SIGLEC1: variants seen among roughly 807,000 people sequenced by gnomAD.
SIGLEC1 encodes the protein sialoadhesin.
A neutral mutation model predicts 148.0 loss-of-function variants in SIGLEC1; 132 were observed. The observed-to-expected ratio is 0.89, with a 90% CI of 0.77 to 1.03. The LOEUF is 1.03. Ranked by LOEUF, SIGLEC1 falls within the 50% of genes least tolerant of loss-of-function variation. The pLI is 0.00. For missense variants in SIGLEC1, 2,253 were observed against 2,271.4 expected (o/e 0.99, Z 0.16); for synonymous variants, 945 against 969.0 (o/e 0.98, Z 0.46).
chr20:3,697,959 C>T lies in SIGLEC1; in HGVS notation c.1961G>A (p.Ser654Asn), dbSNP rs1212311078. ...GCGTGGGGAACAGCCCCCACAGGTGCTGCAGCCACCCCCTGATGGCAGGGA... is the reference window on the plus strand; with the variant it reads ...GCGTGGGGAACAGCCCCCACAGGTGTTGCAGCCACCCCCTGATGGCAGGGA... ...ATSLPSGGGC[S>N]TCGGCSPRMK... is the part of the protein sequence containing the mutation. Residue 654 changes from serine (S) to asparagine (N), a missense_variant, in exon 9 of 22, where the codon AGC (serine) becomes AAC (asparagine). Transcript: ENST00000344754. 1 of 1,612,170 alleles carries T rather than the reference C, an allele frequency of 6.2e-7. No homozygotes were observed. The highest frequency in any genetic ancestry group is 1.7e-5 in the Admixed American group (1 of 59,902).
Position 3,697,806 on chromosome 20 carries a change from T to C in SIGLEC1, c.2114A>G (p.Asn705Ser). 1.9e-6 allele frequency: 3 copies of C among 1,612,670 alleles called. No homozygotes were observed. The highest frequency in any genetic ancestry group is 1.3e-5 in the African/African-American group (1 of 75,030). Residue 705 changes from asparagine (N) to serine (S), a missense_variant, in exon 9 of 22, where the codon AAT becomes AGT. Coordinates refer to ENST00000344754, the MANE Select transcript of SIGLEC1 (RefSeq NM_023068.4). ...LGNASTSATF[N>S]GQATVLAIAP... ...TTCCCTGCCTGACTCACCCTGGCCA[T>C]TGAAGGTGGCTGAGGTGGAGGCGTT...
At chr20:3,698,315 T>C (rs1374008644) in intron 8 of SIGLEC1, among the ~76,000 whole-genome samples, 182 bp from the exon 9 acceptor site, 1 of 152,246 alleles carries the variant, frequency 6.6e-6, no homozygotes, top group African/African-American at 2.4e-5. Flanking sequence ...GCTAGGCTCA[T>C]GCTCCTCAAG....
rs776415065 is a variant in SIGLEC1, at chr20:3,697,324, G to T, written c.2141C>A (p.Ala714Glu). Residue 714 changes from alanine (A) to glutamate (E), a missense_variant, in exon 10 of 22, where the codon GCA (alanine) becomes GAA (glutamate). Coordinates refer to ENST00000344754, the MANE Select transcript of SIGLEC1 (RefSeq NM_023068.4). ...GCCCTCCTGAAGTGTGTGTGATGGT[G>T]CAATGGCCAGGACAGTGGCTGGAGA... ...FNGQATVLAI[A>E]PSHTLQEGTE... The T allele has an allele frequency of 3.1e-6, 5 of 1,613,858 alleles. No individual in the cohort carries two copies. The highest frequency in any genetic ancestry group is 4.2e-6 in the Non-Finnish European group (5 of 1,180,026).
intron 16 of SIGLEC1, 152 bp from the exon 17 acceptor site, chr20:3,692,354 TC>T (rs2088773425): frequency 8.5e-7 from 1 of 1,170,874 alleles, no homozygotes; most frequent in Non-Finnish European, 1.2e-6. Flanking sequence ...GGCAGAGTGC[TC>T]CAGGCAGGGC....
Position 3,705,833 on chromosome 20 carries a change from A to G in SIGLEC1, c.617T>C (p.Met206Thr). 2 of 1,614,122 alleles carry G rather than the reference A, an allele frequency of 1.2e-6. No individual in the cohort carries two copies. The highest frequency in any genetic ancestry group is 1.7e-6 in the Non-Finnish European group (2 of 1,180,040). Residue 206 changes from methionine (M) to threonine (T), a missense_variant, in exon 4 of 22, where the codon ATG becomes ACG. Met to Thr is a moderately conservative substitution (Grantham distance 81). Coordinates refer to ENST00000344754, the MANE Select transcript of SIGLEC1 (RefSeq NM_023068.4). ...GATCCGGCCGTGGTCCTGCCAGGAC[A>G]TGGCCATGTGGAGGGTCTCCAGGTG... ...VGHLETLHMA[M>T]SWQDHGRILR...
chr20:3,699,325 C>T lies in SIGLEC1; in HGVS notation c.1663G>A (p.Gly555Ser), dbSNP rs760595561. The T allele has an allele frequency of 6.2e-7, 1 of 1,608,794 alleles. No individual in the cohort carries two copies. The highest frequency in any genetic ancestry group is 8.5e-7 in the Non-Finnish European group (1 of 1,178,500). Residue 555 changes from glycine to serine, a missense_variant, in exon 8 of 22, where the codon GGT (glycine) becomes AGT (serine). By Grantham distance (56) the Gly-to-Ser change is moderately conservative. Transcript: ENST00000344754. The part of the protein sequence containing the change: ...WYLNGALLHE[G>S]PGSSLLLPAA... ...GGGAGCAGGAGGCTGCTGCCGGGACCCTCGTGAAGCAGGGCTCCATTCAGG... is the reference window on the plus strand; with the variant it reads ...GGGAGCAGGAGGCTGCTGCCGGGACTCTCGTGAAGCAGGGCTCCATTCAGG...
chr20:3,711,674 C>T (rs578073408), intron 1 of SIGLEC1, among the ~76,000 whole-genome samples: 2 of 152,262 alleles, frequency 1.3e-5, no homozygotes, highest in South Asian at 4.1e-4. Flanking sequence ...CAATCACAGG[C>T]CAAATGTTTA....
At position 3,696,137 on chromosome 20, in the gene SIGLEC1, C is replaced by T. The variant is rs1480144786; in HGVS notation, c.2683+449G>A. Among the ~76,000 whole-genome samples the T allele has an allele frequency of 8.3e-3, 1,177 of 141,522 alleles. 15 individuals are homozygous for T. Among genetic ancestry groups the T allele is most frequent in the African/African-American group, 0.033 (1,116 of 34,330 alleles). 92.8% of individuals were successfully genotyped at this position (141,522 alleles called of 152,430 possible). A position where few individuals can be genotyped will look rare whatever the true frequency, so the allele number is the denominator to read the frequency against. On this transcript the variant is annotated intron_variant, in intron 11 of 21. Transcript: ENST00000344754. ...TATAGAGACTATATATATACACACACACAAACACACACACACACACACACA... is the reference window on the plus strand; with the variant it reads ...TATAGAGACTATATATATACACACATACAAACACACACACACACACACACA...
In SIGLEC1 at chr20:3,688,363, C is replaced by T; in HGVS notation, c.*197G>A. The T allele has an allele frequency of 4.8e-6, 3 of 628,506 alleles. No homozygotes were observed. The South Asian group carries it at 5.1e-5, about 11-fold the overall frequency. The allele number at this position is 628,506 out of a possible 1,614,324, so 38.9% of individuals were successfully genotyped here. A position where few individuals can be genotyped will look rare whatever the true frequency, so the allele number is the denominator to read the frequency against. On this transcript the variant is annotated 3_prime_UTR_variant, in exon 22 of 22. Transcript: ENST00000344754. ...GCTCTTCAGTGTCCTCCAGGGTCAACACCCTCCTGGGCAGACCTCTCACCA... is the reference window on the plus strand; with the variant it reads ...GCTCTTCAGTGTCCTCCAGGGTCAATACCCTCCTGGGCAGACCTCTCACCA...
chr20:3,703,537 GC>G (rs2087869141), intron 5 of SIGLEC1, 86 bp from the exon 6 acceptor site: 1 of 1,487,452 alleles, frequency 6.7e-7, no homozygotes, highest in Admixed American at 2.2e-5. Flanking sequence ...CAGCCAATCA[GC>G]CTCAATCTCT....
In SIGLEC1 at chr20:3,696,795, G is replaced by C; in HGVS notation, c.2474C>G (p.Ala825Gly). Residue 825 changes from alanine to glycine, a missense_variant, in exon 11 of 22, where the codon GCC becomes GGC. Coordinates refer to ENST00000344754, the MANE Select transcript of SIGLEC1 (RefSeq NM_023068.4). The stretch of plus-strand genomic sequence containing the variant: ...CTCCCCATGGAACAAGGCCAGCAAG[G>C]CCAGGGGGCGGCTGTCCACAGTGCA... ...FICTVDSRPLALLALFHGEHL... is the reference protein window; with the variant it reads ...FICTVDSRPLGLLALFHGEHL... 6.2e-7 allele frequency: 1 copy of C among 1,612,126 alleles called. No individual in the cohort carries two copies. The highest frequency in any genetic ancestry group is 8.5e-7 in the Non-Finnish European group (1 of 1,179,346).
intron 3 of SIGLEC1, among the ~76,000 whole-genome samples, 153 bp downstream of exon 3, chr20:3,706,194 G>A (rs1305206727): frequency 6.6e-6 from 1 of 152,242 alleles, no homozygotes; most frequent in African/African-American, 2.4e-5. Flanking sequence ...TGAATACAAG[G>A]GAGAACCAGG....
chr20:3,708,199 A>G (rs2087909294), intron 1 of SIGLEC1, among the ~76,000 whole-genome samples: 1 of 152,146 alleles, frequency 6.6e-6, no homozygotes. Context: ...TGTGGAACAC[A>G]TACCCCACAA....
chr20:3,703,068 T>G (rs1389554452), intron 6 of SIGLEC1, 129 bp downstream of exon 6: 1 of 1,081,832 alleles, frequency 9.2e-7, no homozygotes. Context: ...AGCTGGGACA[T>G]GAGCTCAAGG....
chr20:3,703,007 A>G (rs1390308661), intron 6 of SIGLEC1, 190 bp downstream of exon 6: 2 of 599,718 alleles, frequency 3.3e-6, no homozygotes, highest in South Asian at 2.1e-5. Context: ...AAACTTCCAA[A>G]TATAAAATAG....
chr20:3,709,281 G>A (rs1347862951), intron 1 of SIGLEC1, among the ~76,000 whole-genome samples: 2 of 152,070 alleles, frequency 1.3e-5, no homozygotes, highest in East Asian at 1.9e-4. Flanking sequence ...CTTCAAAGAA[G>A]ATATATAACT....
Position 3,710,005 on chromosome 20 carries a change from T to C in SIGLEC1, c.-110+2465A>G, listed in dbSNP as rs920302239. 1.3e-5 allele frequency among the ~76,000 whole-genome samples: 2 copies of C among 152,210 alleles called. No individual in the cohort carries two copies. The highest frequency in any genetic ancestry group is 1.3e-4 in the Admixed American group (2 of 15,288). ...TACACAATATTGCAAATGTACCTAA[T>C]GTCATGGGGTGTACACTTAAAGACA... On this transcript the variant is annotated intron_variant, in intron 1 of 21. Transcript: ENST00000344754. The surrounding 1 kb of genome is among the most constrained non-coding windows in gnomAD (Gnocchi z 4.6).
At chr20:3,688,668 C>A (rs749862208) in intron 21 of SIGLEC1, 49 bp from the exon 22 acceptor site, 2 of 1,379,168 alleles carry the variant, frequency 1.5e-6, no homozygotes, top group Non-Finnish European at 9.9e-7. Context: ...GGAGCCAGGG[C>A]AGGCCCCCAG....
chr20:3,691,863 G>A (rs760735891), intron 17 of SIGLEC1, 40 bp downstream of exon 17: 3 of 1,539,030 alleles, frequency 1.9e-6, no homozygotes, highest in East Asian at 2.3e-5. Context: ...TTGGACCTGA[G>A]AGCATCAGAG....
Sources: gnomAD v4.1 joint callset for allele counts (sites outside exome capture counted in the v4.1 genomes callset) on GRCh38, gnomAD v4.1.1 for gene constraint, Gnocchi (gnomAD v3.1) non-coding constraint, MANE v1.5 for transcripts, NCBI Gene and HGNC (gene_info 2026-07-23, HGNC 2026-07-21) for gene names.